DYNC2H1: variants seen among roughly 807,000 people sequenced by gnomAD.
The protein encoded by DYNC2H1 is cytoplasmic dynein 2 heavy chain 1.
In DYNC2H1, 410 loss-of-function variants were observed where a neutral mutation model predicts 570.0. The observed-to-expected ratio is 0.72, with a 90% CI of 0.66 to 0.78. DYNC2H1 has a LOEUF of 0.78. Among genes scored for constraint, DYNC2H1 ranks in the 30% least tolerant of loss-of-function variants. The pLI is 0.00. For synonymous variants in DYNC2H1, 1,688 were observed against 1,677.6 expected (o/e 1.01, Z -0.15); for missense variants, 4,865 against 5,046.4 (o/e 0.96, Z 1.09).
intron 17 of DYNC2H1, among the ~76,000 whole-genome samples, chr11:103,142,562 T>G (rs1038453640): frequency 1.8e-4 from 28 of 152,048 alleles, no homozygotes; most frequent in Non-Finnish European, 1.2e-4. Flanking sequence ...CCAATTACCA[T>G]GGAGGCTGAA....
chr11:103,316,870 A>C lies in DYNC2H1; in HGVS notation c.11725+250A>C, dbSNP rs865896500. Reference sequence around the variant, plus strand: ...TTGTTTTCACTTTGTGGCTTTCAAAAGTTTCAGGCACTAACTGAATTTTTC... The same window carrying C: ...TTGTTTTCACTTTGTGGCTTTCAAACGTTTCAGGCACTAACTGAATTTTTC... On this transcript the variant is annotated intron_variant, in intron 80 of 88. Coordinates refer to ENST00000375735, the MANE Select transcript of DYNC2H1 (RefSeq NM_001377.3). Among the ~76,000 whole-genome samples the C allele has an allele frequency of 2.6e-5, 4 of 152,118 alleles. No homozygotes were observed. The South Asian group carries it at 8.3e-4, about 31-fold the overall frequency.
chr11:103,148,384 T>G, intron 19 of DYNC2H1, 106 bp from the exon 20 acceptor site: 1 of 1,131,124 alleles, frequency 8.8e-7, no homozygotes, highest in Non-Finnish European at 1.2e-6. Flanking sequence ...ACTTATTGTA[T>G]TCCATGTACT....
intron 11 of DYNC2H1, among the ~76,000 whole-genome samples, chr11:103,123,377 C>G (rs1356072829): frequency 1.3e-5 from 2 of 152,086 alleles, no homozygotes; most frequent in Admixed American, 1.3e-4. Context: ...TATTTTTAAA[C>G]TCCTTGAGAC....
chr11:103,121,151 G>T, intron 9 of DYNC2H1, 115 bp downstream of exon 9: 2 of 900,508 alleles, frequency 2.2e-6, no homozygotes, highest in South Asian at 5.0e-5. Context: ...TTTTCATGCT[G>T]AAGATTAATT....
intron 82 of DYNC2H1, among the ~76,000 whole-genome samples, chr11:103,347,776 T>TG (rs1343032555): frequency 6.6e-6 from 1 of 152,164 alleles, no homozygotes; most frequent in Non-Finnish European, 1.5e-5. Flanking sequence ...AAAAAAGTCT[T>TG]GCGGGGGAGG....
At chr11:103,124,588 T>C (rs1350923495) in intron 11 of DYNC2H1, among the ~76,000 whole-genome samples, 2 of 152,122 alleles carry the variant, frequency 1.3e-5, no homozygotes, top group Non-Finnish European at 2.9e-5. Flanking sequence ...TAATATTTGC[T>C]ATTATAGCCT....
rs79832792 is a variant in DYNC2H1 at position 103,188,499 on chromosome 11, A to T, written c.7143A>T (p.Val2381=). Residue 2381 remains valine, a splice_region_variant and synonymous_variant, in exon 44 of 89, where the codon GTA becomes GTT. Coordinates refer to ENST00000375735, the MANE Select transcript of DYNC2H1 (RefSeq NM_001377.3). ...TSTLVAFLQQ[V]LTYQGFYDEN... is the part of the protein sequence containing the mutation. Reference sequence around the variant, plus strand: ...AAAATATATTTATTTTCAAATAGGTATTGACGTATCAAGGATTTTATGATG... The same window carrying T: ...AAAATATATTTATTTTCAAATAGGTTTTGACGTATCAAGGATTTTATGATG... 1 of 1,591,158 alleles carries T rather than the reference A, an allele frequency of 6.3e-7. No individual in the cohort carries two copies. The highest frequency in any genetic ancestry group is 2.2e-5 in the East Asian group (1 of 44,496).
At chr11:103,468,433 T>C (rs1258606019) in intron 87 of DYNC2H1, 156 bp from the exon 88 acceptor site, 5 of 555,730 alleles carry the variant, frequency 9.0e-6, no homozygotes, top group Non-Finnish European at 1.3e-5. Context: ...AGTCCAGGCC[T>C]TACTGACTTT....
rs1214812696 is a variant in DYNC2H1, at chr11:103,204,475, C to T, written c.8312-347C>T. On this transcript the variant is annotated intron_variant, in intron 51 of 88. Coordinates refer to ENST00000375735, the MANE Select transcript of DYNC2H1 (RefSeq NM_001377.3). The surrounding 1 kb of genome is among the most constrained non-coding windows in gnomAD (Gnocchi z 4.1). ...GAACCATTTAGATTGTGCCAGACTT[C>T]ATAGTTTTAAAAAACTAGCCTTTTA... Among the ~76,000 whole-genome samples, 1 of 152,126 alleles carries T rather than the reference C, an allele frequency of 6.6e-6. No individual in the cohort carries two copies. The highest frequency in any genetic ancestry group is 1.5e-5 in the Non-Finnish European group (1 of 68,018).
At chr11:103,288,536 C>T (rs7112196) in intron 75 of DYNC2H1, among the ~76,000 whole-genome samples, 24,680 of 150,678 alleles carry the variant, frequency 0.16, 2,208 homozygotes, top group Admixed American at 0.25. Context: ...CTAGTAGGTT[C>T]GCTATGAGAT....
At chr11:103,222,931 A>G (rs1394984248) in intron 58 of DYNC2H1, 34 bp from the exon 59 acceptor site, 15 of 1,610,160 alleles carry the variant, frequency 9.3e-6, no homozygotes, top group Non-Finnish European at 1.2e-5. Context: ...GAAATTAAGT[A>G]AGGATGTTGA....
intron 6 of DYNC2H1, 123 bp from the exon 7 acceptor site, chr11:103,120,324 G>T (rs577980142): frequency 1.1e-4 from 99 of 930,660 alleles, no homozygotes; most frequent in African/African-American, 1.8e-4. Flanking sequence ...AGTTTTATTG[G>T]TTTTTTCTTT....
chr11:103,307,580 A>C, intron 77 of DYNC2H1, 141 bp from the exon 78 acceptor site: 2 of 498,172 alleles, frequency 4.0e-6, no homozygotes, highest in Non-Finnish European at 7.0e-6. Flanking sequence ...TAAAAATTTA[A>C]AGGAAATATA....
Position 103,185,000 on chromosome 11 carries a change from G to A in DYNC2H1, c.6582G>A (p.Arg2194=), listed in dbSNP as rs760696626. The part of the protein sequence containing the change: ...DHDEFIINLI[R]GLGGNLNMKS... ...ACGAATTCATTATTAATCTCATAAG[G>A]GGACTTGGTGGAAATCTGAATATGA... Residue 2194 remains arginine, a synonymous_variant, in exon 41 of 89, where the codon AGG becomes AGA. Coordinates refer to ENST00000375735, the MANE Select transcript of DYNC2H1 (RefSeq NM_001377.3). 3.7e-6 allele frequency: 6 copies of A among 1,610,204 alleles called. No homozygotes were observed. The highest frequency in any genetic ancestry group is 1.1e-5 in the South Asian group (1 of 90,792).
At position 103,268,215 on chromosome 11, in the gene DYNC2H1, AGGT is replaced by A. The variant is rs1204802124; in HGVS notation, c.10695+8239_10695+8241del. Among the ~76,000 whole-genome samples, 1 of 152,066 alleles carries A rather than the reference AGGT, an allele frequency of 6.6e-6. No homozygotes were observed. Among genetic ancestry groups the A allele is most frequent in the Non-Finnish European group, 1.5e-5 (1 of 67,936 alleles). On this transcript the variant is annotated intron_variant, in intron 70 of 88. Transcript: ENST00000375735. This position sits in a 1 kb window ranked among gnomAD's most constrained non-coding sequence, Gnocchi z 4.6. ...AATATCTCTACCCACATAATAATAA[AGGT>A]ATATCTTTATCTCCTTTGTTGCACC...
rs775426647 is a variant in DYNC2H1, at chr11:103,184,898, T to A, written c.6480T>A (p.Asn2160Lys). 5.3e-5 allele frequency: 86 copies of A among 1,609,920 alleles called. No individual in the cohort carries two copies. The highest frequency in any genetic ancestry group is 7.3e-5 in the Non-Finnish European group (86 of 1,177,244). ...EKALQWVLKQ[N>K]DYVVETSLVG... ...GTATCACGGATTTTAATCAACAGAA[T>A]GACTATGTGGTAGAAACAAGTTTGG... is the stretch of plus-strand genomic sequence containing the variant. The change falls in exon 41 of 89, where the codon AAT becomes AAA. Residue 2160 changes from asparagine (N) to lysine (K), a missense_variant and splice_region_variant. By Grantham distance (94) the Asn-to-Lys change is moderately conservative (BLOSUM62 0). Coordinates refer to ENST00000375735, the MANE Select transcript of DYNC2H1 (RefSeq NM_001377.3).
rs118014581 is a variant in DYNC2H1, at chr11:103,113,292, C to T, written c.196-245C>T. ...GAATGGAATAGTTAGCAGTCAACAA[C>T]GTATATATTGTTTTATGTTTATAAA... On this transcript the variant is annotated intron_variant, in intron 1 of 88. Coordinates refer to ENST00000375735, the MANE Select transcript of DYNC2H1 (RefSeq NM_001377.3). Among the ~76,000 whole-genome samples the T allele has an allele frequency of 3.9e-5, 6 of 152,060 alleles. No homozygotes were observed. In the East Asian group the frequency reaches 1.2e-3, roughly 29 times the overall value.
chr11:103,170,814 C>A lies in DYNC2H1; in HGVS notation c.5152-72C>A. 7.9e-7 allele frequency: 1 copy of A among 1,259,558 alleles called. No homozygotes were observed. 78.0% of individuals were successfully genotyped at this position (1,259,558 alleles called of 1,614,324 possible). A position where few individuals can be genotyped will look rare whatever the true frequency, so the allele number is the denominator to read the frequency against. ...AAATTATCACCTTATCAATAAGTAA[C>A]ATTAAATATTAAGTAGTTATGGAGA... On this transcript the variant is annotated intron_variant, in intron 33 of 88. Transcript: ENST00000375735. The surrounding 1 kb of genome is among the most constrained non-coding windows in gnomAD (Gnocchi z 4.8).
intron 70 of DYNC2H1, among the ~76,000 whole-genome samples, chr11:103,265,668 T>C (rs1230594885): frequency 6.6e-6 from 1 of 152,214 alleles, no homozygotes; most frequent in Non-Finnish European, 1.5e-5. Flanking sequence ...ATTCTATTTC[T>C]GTCATTTCAG....
Sources: gnomAD v4.1 joint callset for allele counts (sites outside exome capture counted in the v4.1 genomes callset) on GRCh38, gnomAD v4.1.1 for gene constraint, Gnocchi (gnomAD v3.1) non-coding constraint, MANE v1.5 for transcripts, NCBI Gene and HGNC (gene_info 2026-07-23, HGNC 2026-07-21) for gene names.